PRMT2: variants seen among roughly 807,000 people sequenced by gnomAD.
PRMT2 encodes the protein protein arginine methyltransferase 2, also known as protein arginine N-methyltransferase 2.
In PRMT2, 26 loss-of-function variants were observed where a neutral mutation model predicts 57.6. That is an observed-to-expected ratio of 0.45 (90% CI 0.33 to 0.63). The LOEUF (loss-of-function observed/expected upper bound fraction) is 0.63. Ranked by LOEUF, PRMT2 falls within the 20% of genes least tolerant of loss-of-function variation. The probability of loss-of-function intolerance (pLI) is 0.02; values close to 1 mark genes in which losing one functional copy is unlikely to be tolerated. For missense variants in PRMT2, 472 were observed against 564.4 expected (o/e 0.84, Z 1.66); for synonymous variants, 219 against 220.0 (o/e 1.00, Z 0.04).
At chr21:46,661,637 C>A in intron 9 of PRMT2, 163 bp from the exon 10 acceptor site, 2 of 595,086 alleles carry the variant, frequency 3.4e-6, no homozygotes, top group Non-Finnish European at 4.9e-6. Flanking sequence ...AGCCTCTGAA[C>A]TCACGATGCG....
intron 10 of PRMT2, among the ~76,000 whole-genome samples, chr21:46,662,397 G>A (rs1283249213): frequency 6.6e-6 from 1 of 152,230 alleles, no homozygotes; most frequent in African/African-American, 2.4e-5. Context: ...CCTTTGGGTG[G>A]GGTTGGCTAC....
chr21:46,643,482 A>G, intron 3 of PRMT2, 53 bp from the exon 4 acceptor site: 1 of 1,403,036 alleles, frequency 7.1e-7, no homozygotes, highest in Non-Finnish European at 9.3e-7. Flanking sequence ...AGCCAAAAAA[A>G]AAAAAAAAAA....
intron 7 of PRMT2, among the ~76,000 whole-genome samples, chr21:46,654,651 A>G (rs998414771): frequency 5.3e-5 from 8 of 152,370 alleles, no homozygotes; most frequent in African/African-American, 1.9e-4. Flanking sequence ...ATAAACATCA[A>G]TACAAATAAC....
At chr21:46,656,541 T>A (rs187447127) in intron 7 of PRMT2, among the ~76,000 whole-genome samples, 1 of 152,168 alleles carries the variant, frequency 6.6e-6, no homozygotes, top group African/African-American at 2.4e-5. Context: ...ATATGGTCAA[T>A]GGGTTTTTTT....
chr21:46,645,843 T>C (rs1172556667), intron 5 of PRMT2, among the ~76,000 whole-genome samples: 2 of 151,998 alleles, frequency 1.3e-5, no homozygotes, highest in Non-Finnish European at 2.9e-5. Flanking sequence ...CAGCCTCCTG[T>C]GTACCTGGGA....
intron 8 of PRMT2, chr21:46,660,106 T>C (rs568817270): frequency 3.1e-6 from 3 of 970,294 alleles, no homozygotes; most frequent in East Asian, 1.1e-4. Flanking sequence ...TGTGTAAATA[T>C]AGTGGAATCT....
intron 7 of PRMT2, among the ~76,000 whole-genome samples, chr21:46,656,388 C>G (rs979242147): frequency 2.0e-5 from 3 of 152,124 alleles, no homozygotes; most frequent in Admixed American, 2.0e-4. Flanking sequence ...ACTAAGAGAA[C>G]TAGAGTAGCT....
chr21:46,653,698 A>G lies in PRMT2; in HGVS notation c.654+3959A>G, dbSNP rs189685440. 6.3e-6 allele frequency: 8 copies of G among 1,260,816 alleles called. No homozygotes were observed. In the Admixed American group the frequency reaches 2.0e-4, roughly 31 times the overall value. 78.1% of individuals were successfully genotyped at this position (1,260,816 alleles called of 1,614,324 possible). ...GATCATTTTACTTTTCAGAGGTGCT[A>G]GTTCTGGTGCCCACACGCACACACA... On this transcript the variant is annotated intron_variant, in intron 7 of 11. Coordinates refer to ENST00000355680, the MANE Select transcript of PRMT2 (RefSeq NM_206962.4).
intron 9 of PRMT2, 164 bp downstream of exon 9, chr21:46,661,126 GATT>G: frequency 2.9e-6 from 2 of 682,200 alleles, no homozygotes; most frequent in Non-Finnish European, 4.4e-6. Context: ...GTTTGCTACT[GATT>G]TTTTCCAGTC....
chr21:46,648,417 C>G lies in PRMT2; in HGVS notation c.328-41C>G, dbSNP rs371910268. 10 of 1,605,758 alleles carry G rather than the reference C, an allele frequency of 6.2e-6. No homozygotes were observed. The highest frequency in any genetic ancestry group is 8.5e-6 in the Non-Finnish European group (10 of 1,174,502). On this transcript the variant is annotated intron_variant, in intron 5 of 11. Coordinates refer to ENST00000355680, the MANE Select transcript of PRMT2 (RefSeq NM_206962.4). The surrounding 1 kb of genome is among the most constrained non-coding windows in gnomAD (Gnocchi z 4.8). ...TCTCAGTCCAGACCTCAGCATGGCT[C>G]TAGGTCACAGGCAGTGATTCTGAAT...
rs953644032 is a variant in PRMT2 at position 46,652,220 on chromosome 21, A to C, written c.654+2481A>C. The C allele has an allele frequency of 4.4e-6, 6 of 1,373,836 alleles. No homozygotes were observed. The African/African-American group carries it at 5.8e-5, about 13-fold the overall frequency. 85.1% of individuals were successfully genotyped at this position (1,373,836 alleles called of 1,614,324 possible). A position where few individuals can be genotyped will look rare whatever the true frequency, so the allele number is the denominator to read the frequency against. On this transcript the variant is annotated intron_variant, in intron 7 of 11. Coordinates refer to ENST00000355680, the MANE Select transcript of PRMT2 (RefSeq NM_206962.4). The stretch of plus-strand genomic sequence containing the variant: ...TAAATATTTAAGAAAAGGAGGAAAC[A>C]AAAAAATTGCTACAAGTTTATTTGT...
At chr21:46,661,269 C>A in intron 9 of PRMT2, 16 of 206,368 alleles carry the variant, frequency 7.8e-5, no homozygotes, top group East Asian at 1.2e-4. Flanking sequence ...TATTTCGTTT[C>A]ATTATGGTAT....
chr21:46,637,060 G>C, intron 3 of PRMT2, 70 bp downstream of exon 3: 1 of 1,524,942 alleles, frequency 6.6e-7, no homozygotes, highest in East Asian at 2.3e-5. Flanking sequence ...CTAAGCGTCA[G>C]CTCACAGATG....
intron 11 of PRMT2, 72 bp downstream of exon 11, chr21:46,663,626 G>A (rs1027381610): frequency 1.3e-6 from 2 of 1,510,036 alleles, no homozygotes; most frequent in African/African-American, 2.7e-5. Context: ...GGTGGTGGTA[G>A]TGATGGCAGA....
In PRMT2 at chr21:46,644,365, G is replaced by T; in HGVS notation, c.204G>T (p.Trp68Cys). 6.2e-7 allele frequency: 1 copy of T among 1,613,036 alleles called. No individual in the cohort carries two copies. Among genetic ancestry groups the T allele is most frequent in the Non-Finnish European group, 8.5e-7 (1 of 1,179,568 alleles). The change falls in exon 5 of 12, where the codon TGG (tryptophan) becomes TGT (cysteine). Residue 68 changes from tryptophan to cysteine, a missense_variant. Physicochemically the swap from Trp to Cys is radical, Grantham distance 215 (BLOSUM62 -2). Transcript: ENST00000355680. ...LILRQTTADW[W>C]WGERAGCCGY... ...TGAGACAAACCACTGCAGATTGGTGGTGGGGTGAGCGTGCGGGCTGCTGTG... is the reference window on the plus strand; with the variant it reads ...TGAGACAAACCACTGCAGATTGGTGTTGGGGTGAGCGTGCGGGCTGCTGTG...
chr21:46,658,416 G>A (rs2061570347), intron 7 of PRMT2: 1 of 248,144 alleles, frequency 4.0e-6, no homozygotes, highest in African/African-American at 2.3e-5. Context: ...ACACTTCAGG[G>A]CTCTTTCAAA....
At position 46,643,529 on chromosome 21, in the gene PRMT2, G is replaced by C. The variant is rs755078101; in HGVS notation, c.40-6G>C. The stretch of plus-strand genomic sequence containing the variant: ...CTCTCCTCACGCTTTCCTTGGCTTT[G>C]AGCAGGGAGAAGAGCCTGCTGAGTG... On this transcript the variant is annotated splice_polypyrimidine_tract_variant and splice_region_variant and intron_variant, in intron 3 of 11. Coordinates refer to ENST00000355680, the MANE Select transcript of PRMT2 (RefSeq NM_206962.4). The C allele has an allele frequency of 1.6e-5, 25 of 1,552,974 alleles. No individual in the cohort carries two copies. In the East Asian group the frequency reaches 5.5e-4, roughly 34 times the overall value.
At position 46,660,890 on chromosome 21, in the gene PRMT2, A is replaced by C; in HGVS notation, c.888A>C (p.Pro296=). ...CCAAGTATAACCACATTTTGAAACC[A>C]GAAGACTGTCTCTCTGAACCGTGCA... ...SKPKYNHILK[P]EDCLSEPCTI... is the part of the protein sequence containing the mutation. The change falls in exon 9 of 12, where the codon CCA becomes CCC. Residue 296 remains proline, a synonymous_variant. Transcript: ENST00000355680. 6.2e-7 allele frequency: 1 copy of C among 1,613,626 alleles called. No homozygotes were observed. The highest frequency in any genetic ancestry group is 8.5e-7 in the Non-Finnish European group (1 of 1,179,520).
chr21:46,644,241 A>G (rs2061326973), intron 4 of PRMT2, 65 bp from the exon 5 acceptor site: 3 of 1,496,026 alleles, frequency 2.0e-6, no homozygotes, highest in Non-Finnish European at 1.8e-6. Context: ...GGGATTTATC[A>G]CTGAGCCACA....
Sources: gnomAD v4.1 joint callset for allele counts (sites outside exome capture counted in the v4.1 genomes callset) on GRCh38, gnomAD v4.1.1 for gene constraint, Gnocchi (gnomAD v3.1) non-coding constraint, MANE v1.5 for transcripts, NCBI Gene and HGNC (gene_info 2026-07-23, HGNC 2026-07-21) for gene names.